NLGN1: variants seen among roughly 807,000 people sequenced by gnomAD.
NLGN1 encodes the protein neuroligin 1, also known as neuroligin-1.
Under a neutral mutation model 65.5 loss-of-function variants are expected in NLGN1, and 12 were observed. That is an observed-to-expected ratio of 0.18 (90% CI 0.12 to 0.30). The LOEUF is 0.30. Among genes scored for constraint, NLGN1 ranks in the 10% least tolerant of loss-of-function variants. NLGN1 has a pLI of 1.00. For synonymous variants in NLGN1, 350 were observed against 359.5 expected (o/e 0.97, Z 0.30); for missense variants, 750 against 1,007.1 (o/e 0.74, Z 3.46).
intron 4 of NLGN1, among the ~76,000 whole-genome samples, chr3:174,124,483 A>G (rs913264321): frequency 6.7e-6 from 1 of 149,314 alleles, no homozygotes; most frequent in Admixed American, 6.7e-5. Context: ...TAGATTATGT[A>G]TATACACATA....
chr3:174,155,592 T>TAA (rs1386090701), intron 4 of NLGN1, among the ~76,000 whole-genome samples: 3 of 151,956 alleles, frequency 2.0e-5, no homozygotes, highest in Non-Finnish European at 2.9e-5. Flanking sequence ...ACTAAGGTTG[T>TAA]AATGGAGTTT....
chr3:173,436,211 T>C (rs1718114067), intron 2 of NLGN1, among the ~76,000 whole-genome samples: 1 of 152,210 alleles, frequency 6.6e-6, no homozygotes, highest in Non-Finnish European at 1.5e-5. Flanking sequence ...ATGACCAGCA[T>C]TAAAAGCAAA....
chr3:173,914,556 CAT>C (rs752661779), intron 4 of NLGN1, among the ~76,000 whole-genome samples: 33,509 of 151,498 alleles, frequency 0.22, 3,855 homozygotes, highest in East Asian at 0.32. Context: ...CACACACACA[CAT>C]ATGTATATAT....
chr3:173,645,972 G>C (rs1758197822), intron 3 of NLGN1, among the ~76,000 whole-genome samples: 1 of 152,082 alleles, frequency 6.6e-6, no homozygotes, highest in Admixed American at 6.5e-5. Flanking sequence ...TCTTGGTTCT[G>C]CCCTCCCCCT....
intron 2 of NLGN1, chr3:173,584,760 G>C (rs892269288): frequency 5.5e-5 from 8 of 145,298 alleles, no homozygotes; most frequent in Non-Finnish European, 1.0e-4. Flanking sequence ...ACACGTTTTA[G>C]AAGTGTCCGT....
chr3:174,088,482 C>T (rs1355614937), intron 4 of NLGN1, among the ~76,000 whole-genome samples: 2 of 152,030 alleles, frequency 1.3e-5, no homozygotes, highest in Non-Finnish European at 2.9e-5. Context: ...TTTGGCTGGG[C>T]ACGGTGACTC....
At chr3:173,661,428 C>T (rs569979254) in intron 3 of NLGN1, among the ~76,000 whole-genome samples, 2 of 152,078 alleles carry the variant, frequency 1.3e-5, no homozygotes, top group Admixed American at 6.6e-5. Flanking sequence ...ATCTGTCTGA[C>T]TTCAAAGTCC....
chr3:174,173,572 T>C (rs1275490734), intron 4 of NLGN1, among the ~76,000 whole-genome samples: 2 of 152,002 alleles, frequency 1.3e-5, no homozygotes, highest in African/African-American at 4.8e-5. Flanking sequence ...TCAGTTGAAA[T>C]AGTCATTTGG....
chr3:174,282,950 C>CA (rs1345221019), exon 7 of NLGN1: 1 of 151,670 alleles, frequency 6.6e-6, no homozygotes, highest in Non-Finnish European at 1.5e-5. Context: ...GATTATTATA[C>CA]AAAAAATTGT....
At chr3:174,041,765 C>T (rs958724301) in intron 4 of NLGN1, among the ~76,000 whole-genome samples, 6 of 151,862 alleles carry the variant, frequency 4.0e-5, no homozygotes, top group South Asian at 2.1e-4. Context: ...TATTATTTTG[C>T]GAAAGGTTTG....
intron 4 of NLGN1, among the ~76,000 whole-genome samples, chr3:174,086,070 A>G (rs188163279): frequency 2.0e-5 from 3 of 151,976 alleles, no homozygotes; most frequent in Non-Finnish European, 4.4e-5. Context: ...AAACGTATAT[A>G]TGAAAGTTAT....
At chr3:173,475,639 A>G (rs1247665636) in intron 2 of NLGN1, among the ~76,000 whole-genome samples, 1 of 152,210 alleles carries the variant, frequency 6.6e-6, no homozygotes, top group Admixed American at 6.5e-5. Context: ...ATGATGACTG[A>G]TACATGGTGG....
chr3:173,909,244 A>G (rs539019057), intron 4 of NLGN1, among the ~76,000 whole-genome samples: 15 of 152,254 alleles, frequency 9.9e-5, no homozygotes, highest in Admixed American at 6.5e-5. Flanking sequence ...AGCCCAGACA[A>G]TGGCATTTGG....
At chr3:173,597,881 A>G (rs775765207) in intron 2 of NLGN1, among the ~76,000 whole-genome samples, 9 of 152,128 alleles carry the variant, frequency 5.9e-5, no homozygotes, top group Non-Finnish European at 1.3e-4. Flanking sequence ...CCCAGCTACT[A>G]AAATGGGCAT....
intron 4 of NLGN1, among the ~76,000 whole-genome samples, chr3:173,881,598 G>T (rs937895432): frequency 6.6e-6 from 1 of 150,398 alleles, no homozygotes; most frequent in South Asian, 2.1e-4. Context: ...CTAATTTTTT[G>T]TGTGTTTTTA....
intron 4 of NLGN1, among the ~76,000 whole-genome samples, chr3:173,961,083 A>G (rs558669319): frequency 2.0e-5 from 3 of 152,214 alleles, no homozygotes; most frequent in South Asian, 2.1e-4. Flanking sequence ...TTCTAGACCA[A>G]TGTGATAATC....
At chr3:173,688,674 A>G (rs1224109836) in intron 3 of NLGN1, among the ~76,000 whole-genome samples, 2 of 152,218 alleles carry the variant, frequency 1.3e-5, no homozygotes, top group Non-Finnish European at 2.9e-5. Flanking sequence ...AACTGGATGT[A>G]TAAGAAAACT....
upstream of NLGN1, chr3:173,396,283 T>G (rs1211299225): frequency 6.6e-6 from 1 of 152,286 alleles, no homozygotes; most frequent in Non-Finnish European, 1.5e-5. Context: ...CTAAATCTTC[T>G]CGGAAATTCT....
chr3:173,654,549 A>G (rs188171145), intron 3 of NLGN1, among the ~76,000 whole-genome samples: 54 of 152,214 alleles, frequency 3.5e-4, no homozygotes, highest in Middle Eastern at 6.8e-3. Context: ...ACATTATTAC[A>G]TTGTTTTCTT....
Sources: gnomAD v4.1 joint callset for allele counts (sites outside exome capture counted in the v4.1 genomes callset) on GRCh38, gnomAD v4.1.1 for gene constraint, MANE v1.5 for transcripts, NCBI Gene and HGNC (gene_info 2026-07-23, HGNC 2026-07-21) for gene names.